The following RIOK3 variants were observed in gnomAD, a reference collection of about 807,000 sequenced individuals.
RIOK3 encodes RIO kinase 3.
Under a neutral mutation model 63.5 loss-of-function variants are expected in RIOK3, and 40 were observed. The observed-to-expected ratio is 0.63, with a 90% CI of 0.49 to 0.82. RIOK3 has a LOEUF of 0.82. Ranked by LOEUF, RIOK3 falls within the 40% of genes least tolerant of loss-of-function variation. The probability of loss-of-function intolerance (pLI) is 0.00; values close to 1 mark genes in which losing one functional copy is unlikely to be tolerated. For synonymous variants in RIOK3, 193 were observed against 205.0 expected (o/e 0.94, Z 0.50); for missense variants, 557 against 637.0 (o/e 0.87, Z 1.35).
At chr18:23,472,402 G>A (rs991767827) in intron 7 of RIOK3, among the ~76,000 whole-genome samples, 3 of 152,148 alleles carry the variant, frequency 2.0e-5, no homozygotes, top group Non-Finnish European at 4.4e-5. Flanking sequence ...TGGTACAGAA[G>A]GAGGTTTGAT....
At chr18:23,469,381 T>TCTCTC (rs2057438059) in intron 7 of RIOK3, among the ~76,000 whole-genome samples, 1 of 11,006 alleles carries the variant, frequency 9.1e-5, no homozygotes, top group East Asian at 7.6e-3. Context: ...CTCCCTCCCC[T>TCTCTC]CCCTCCCCTC....
chr18:23,475,203 C>T, intron 9 of RIOK3, 96 bp downstream of exon 9: 1 of 944,684 alleles, frequency 1.1e-6, no homozygotes, highest in South Asian at 1.7e-5. Flanking sequence ...GGCATGTTGG[C>T]TCACACTTGT....
chr18:23,466,514 A>G (rs1029872015), intron 6 of RIOK3, among the ~76,000 whole-genome samples: 2 of 151,880 alleles, frequency 1.3e-5, no homozygotes, highest in African/African-American at 4.8e-5. Flanking sequence ...CCCAGGCAAC[A>G]TAATGATCCC....
At position 23,477,011 on chromosome 18, in the gene RIOK3, G is replaced by A; in HGVS notation, c.1179G>A (p.Met393Ile). 1 of 1,612,692 alleles carries A rather than the reference G, an allele frequency of 6.2e-7. No individual in the cohort carries two copies. The highest frequency in any genetic ancestry group is 1.1e-5 in the South Asian group (1 of 91,036). Residue 393 changes from methionine (M) to isoleucine (I), a missense_variant, in exon 10 of 13, where the codon ATG becomes ATA. Physicochemically the swap from Met to Ile is conservative, Grantham distance 10. This residue lies in a region of RIOK3 where 309 missense variants were observed against 338.7 expected (regional missense o/e 0.91). Transcript: ENST00000339486. The stretch of plus-strand genomic sequence containing the variant: ...TGTGCCTTCCCTCTTCACAGTTGAT[G>A]CGGCAGTTATATCATGAATGTACGC... Reference protein sequence around the residue: ...KEAYYQTLHLMRQLYHECTLV... With the variant: ...KEAYYQTLHLIRQLYHECTLV...
chr18:23,467,333 G>T, intron 6 of RIOK3, 66 bp from the exon 7 acceptor site: 2 of 1,501,684 alleles, frequency 1.3e-6, no homozygotes, highest in Non-Finnish European at 1.8e-6. Flanking sequence ...AAAGTTATTA[G>T]AAGTGGCTCA....
intron 7 of RIOK3, among the ~76,000 whole-genome samples, chr18:23,470,426 A>G (rs1404061228): frequency 2.6e-5 from 4 of 152,174 alleles, no homozygotes; most frequent in African/African-American, 9.7e-5. Flanking sequence ...TATACAGTAT[A>G]TCATCTATTT....
chr18:23,480,555 G>GCGCGCACACACACA (rs779698307), intron 12 of RIOK3, among the ~76,000 whole-genome samples: 2 of 141,990 alleles, frequency 1.4e-5, no homozygotes, highest in African/African-American at 5.3e-5. Flanking sequence ...TTGGATGCAC[G>GCGCGCACACACACA]CACACACACA....
At chr18:23,480,555 G>GCACACACACACACACA (rs59552026) in intron 12 of RIOK3, among the ~76,000 whole-genome samples, 2,352 of 142,016 alleles carry the variant, frequency 0.017, 32 homozygotes, top group South Asian at 0.02. Flanking sequence ...TTGGATGCAC[G>GCACACACACACACACA]CACACACACA....
chr18:23,467,564 T>TA (rs2057418208), intron 7 of RIOK3, 38 bp downstream of exon 7: 20 of 1,586,416 alleles, frequency 1.3e-5, no homozygotes, highest in Non-Finnish European at 1.7e-5. Flanking sequence ...TATGAAAACT[T>TA]AGTCTCTTCT....
rs780185609 is a variant in RIOK3, at chr18:23,453,348, C to T, written c.-92C>T. ...TCACCTCCACTCCGGCATCAGCAGC[C>T]AGTCGCCCGTGTCCCGCCTGTCTCC... On this transcript the variant is annotated 5_prime_UTR_variant, in exon 1 of 13. Coordinates refer to ENST00000339486, the MANE Select transcript of RIOK3 (RefSeq NM_003831.5). 9.5e-7 allele frequency: 1 copy of T among 1,057,256 alleles called. No individual in the cohort carries two copies. The highest frequency in any genetic ancestry group is 1.5e-6 in the Non-Finnish European group (1 of 682,644). 65.5% of individuals were successfully genotyped at this position (1,057,256 alleles called of 1,614,324 possible). A position where few individuals can be genotyped will look rare whatever the true frequency, so the allele number is the denominator to read the frequency against.
At chr18:23,464,338 G>A (rs1288143758) in intron 4 of RIOK3, 25 bp downstream of exon 4, 2 of 1,528,746 alleles carry the variant, frequency 1.3e-6, no homozygotes, top group South Asian at 1.1e-5. Flanking sequence ...ACTTTCTGGG[G>A]GCAGCAGAAT....
At chr18:23,455,495 C>G (rs933762558) in intron 1 of RIOK3, among the ~76,000 whole-genome samples, 7 of 150,894 alleles carry the variant, frequency 4.6e-5, no homozygotes, top group Non-Finnish European at 1.0e-4. Context: ...TGGGTTCAAG[C>G]GATTCTCCTG....
rs545157137 is a variant in RIOK3 at position 23,453,400 on chromosome 18, C to T, written c.-40C>T. On this transcript the variant is annotated 5_prime_UTR_variant, in exon 1 of 13. Transcript: ENST00000339486. Reference sequence around the variant, plus strand: ...CGGCGGAGCCTGCTGCCCGTCCTGCCACCTCTCTGCTCTGTTCTTGTCTCT... The same window carrying T: ...CGGCGGAGCCTGCTGCCCGTCCTGCTACCTCTCTGCTCTGTTCTTGTCTCT... 1.1e-5 allele frequency: 17 copies of T among 1,539,510 alleles called. No individual in the cohort carries two copies. In the East Asian group the frequency reaches 3.6e-4, roughly 33 times the overall value.
At chr18:23,458,488 G>A (rs2057354788) in intron 1 of RIOK3, among the ~76,000 whole-genome samples, 1 of 152,190 alleles carries the variant, frequency 6.6e-6, no homozygotes, top group Non-Finnish European at 1.5e-5. Flanking sequence ...TTAAAAGCTT[G>A]ATGGATGTCC....
chr18:23,480,032 A>C (rs1228214431), intron 12 of RIOK3, among the ~76,000 whole-genome samples: 1 of 152,222 alleles, frequency 6.6e-6, no homozygotes, highest in African/African-American at 2.4e-5. Flanking sequence ...TGAGTGATAC[A>C]AAAAATAGTA....
chr18:23,463,004 T>C lies in RIOK3; in HGVS notation c.104T>C (p.Leu35Ser). The change falls in exon 2 of 13, where the codon TTG (leucine) becomes TCG (serine). Residue 35 changes from leucine to serine, a missense_variant. By Grantham distance (145) the Leu-to-Ser change is moderately radical (BLOSUM62 -2). Transcript: ENST00000339486. The part of the protein sequence containing the change: ...AIPQNTISCS[L>S]ADVMSEQLAK... The stretch of plus-strand genomic sequence containing the variant: ...CCTCAAAATACAATATCTTGTTCTT[T>C]GGCTGATGTAATGAGTGAACAGCTG... 6.2e-7 allele frequency: 1 copy of C among 1,606,662 alleles called. No individual in the cohort carries two copies. Among genetic ancestry groups the C allele is most frequent in the Non-Finnish European group, 8.5e-7 (1 of 1,177,076 alleles).
chr18:23,463,301 C>A, intron 2 of RIOK3: 1 of 384,532 alleles, frequency 2.6e-6, no homozygotes, highest in African/African-American at 2.1e-5. Flanking sequence ...CGCGTTAATG[C>A]TGCAGTTGAA....
At chr18:23,468,188 A>G (rs1000848789) in intron 7 of RIOK3, among the ~76,000 whole-genome samples, 6 of 151,922 alleles carry the variant, frequency 3.9e-5, no homozygotes, top group Middle Eastern at 3.4e-3. Flanking sequence ...AATTATGATT[A>G]AGTTGTACAT....
intron 12 of RIOK3, among the ~76,000 whole-genome samples, chr18:23,479,762 A>G (rs563316579): frequency 1.3e-5 from 2 of 152,090 alleles, no homozygotes; most frequent in Non-Finnish European, 2.9e-5. Flanking sequence ...TTTTTGGTAG[A>G]GACAGGGTTT....
Sources: gnomAD v4.1 joint callset for allele counts (sites outside exome capture counted in the v4.1 genomes callset) on GRCh38, gnomAD v4.1.1 for gene constraint, gnomAD v4.1.1 regional missense constraint, MANE v1.5 for transcripts, NCBI Gene and HGNC (gene_info 2026-07-23, HGNC 2026-07-21) for gene names.